The following MLLT3 variants were observed in gnomAD, a reference collection of about 807,000 sequenced individuals.
The protein encoded by MLLT3 is protein AF-9.
MLLT3 carries 4 observed loss-of-function variants against 53.2 expected under a neutral mutation model. That is an observed-to-expected ratio of 0.08 (90% CI 0.04 to 0.17). MLLT3 has a LOEUF of 0.17. MLLT3 is among the 10% of genes least tolerant of loss of function. MLLT3 has a pLI of 1.00. For synonymous variants in MLLT3, 283 were observed against 230.6 expected, an observed-to-expected ratio of 1.23 and a Z score of -2.06; for missense variants, 569 against 684.0, an observed-to-expected ratio of 0.83 and a Z score of 1.87.
At chr9:20,446,642 G>A (rs764159732) in intron 4 of MLLT3, among the ~76,000 whole-genome samples, 3 of 152,018 alleles carry the variant, frequency 2.0e-5, no homozygotes, top group South Asian at 4.2e-4. Flanking sequence ...GTAAAATGCC[G>A]AATTCATTAA....
chr9:20,356,027 C>T (rs780509581), intron 8 of MLLT3, among the ~76,000 whole-genome samples: 3 of 152,054 alleles, frequency 2.0e-5, no homozygotes, highest in African/African-American at 4.8e-5. Flanking sequence ...ATTTTTGGAC[C>T]GCAAAGGATG....
intron 2 of MLLT3, among the ~76,000 whole-genome samples, chr9:20,574,145 T>A (rs1819597316): frequency 1.3e-5 from 2 of 152,206 alleles, no homozygotes; most frequent in South Asian, 2.1e-4. Context: ...TAATGTCCAA[T>A]AATTTGCATT....
intron 2 of MLLT3, among the ~76,000 whole-genome samples, chr9:20,487,000 T>A (rs1824830480): frequency 1.3e-5 from 2 of 152,132 alleles, no homozygotes; most frequent in African/African-American, 4.8e-5. Context: ...AGGAATGCAT[T>A]TGTGATTATC....
chr9:20,581,182 A>G (rs986216142), intron 2 of MLLT3, among the ~76,000 whole-genome samples: 1 of 152,238 alleles, frequency 6.6e-6, no homozygotes, highest in African/African-American at 2.4e-5. Flanking sequence ...GCAAAGTTCA[A>G]CAATTCAGAC....
chr9:20,591,486 T>C (rs1456630958), intron 2 of MLLT3, among the ~76,000 whole-genome samples: 2 of 152,152 alleles, frequency 1.3e-5, no homozygotes, highest in African/African-American at 2.4e-5. Context: ...TAAACAGATA[T>C]GTTAAAAACC....
chr9:20,535,259 G>C (rs906161134), intron 2 of MLLT3, among the ~76,000 whole-genome samples: 9 of 152,306 alleles, frequency 5.9e-5, no homozygotes, highest in South Asian at 4.1e-4. Context: ...AGAATCTAAT[G>C]ATGAATTTAA....
intron 4 of MLLT3, among the ~76,000 whole-genome samples, chr9:20,427,640 C>A (rs1393203195): frequency 6.6e-6 from 1 of 151,654 alleles, no homozygotes; most frequent in Non-Finnish European, 1.5e-5. Context: ...TAATCCTAGA[C>A]ACATTGTACT....
intron 2 of MLLT3, among the ~76,000 whole-genome samples, chr9:20,611,000 T>C (rs1199111826): frequency 1.3e-5 from 2 of 152,020 alleles, no homozygotes; most frequent in African/African-American, 4.8e-5. Flanking sequence ...AACAGAGAAA[T>C]AAGTAAAATG....
At chr9:20,446,051 A>AT (rs1376463043) in intron 4 of MLLT3, among the ~76,000 whole-genome samples, 6 of 151,990 alleles carry the variant, frequency 3.9e-5, no homozygotes, top group African/African-American at 1.2e-4. Context: ...TAGTCTACTG[A>AT]TTTTTTTTAC....
chr9:20,487,420 T>A (rs1824840692), intron 2 of MLLT3, among the ~76,000 whole-genome samples: 1 of 152,130 alleles, frequency 6.6e-6, no homozygotes, highest in African/African-American at 2.4e-5. Context: ...AATTAACAAA[T>A]GCAGCTAGAA....
intron 4 of MLLT3, among the ~76,000 whole-genome samples, chr9:20,437,920 A>G (rs568628834): frequency 3.9e-5 from 6 of 152,320 alleles, no homozygotes; most frequent in East Asian, 3.9e-4. Flanking sequence ...TTTTGTAGCC[A>G]TGTTCTTTCA....
At chr9:20,438,701 C>A (rs934955114) in intron 4 of MLLT3, among the ~76,000 whole-genome samples, 34 of 152,118 alleles carry the variant, frequency 2.2e-4, no homozygotes. Context: ...TCCCAAAATG[C>A]TGGGATTATA....
At chr9:20,479,880 A>T (rs995997980) in intron 2 of MLLT3, among the ~76,000 whole-genome samples, 2 of 152,212 alleles carry the variant, frequency 1.3e-5, no homozygotes, top group African/African-American at 4.8e-5. Flanking sequence ...AACTCATAAC[A>T]ATGCCATGGT....
intron 2 of MLLT3, among the ~76,000 whole-genome samples, chr9:20,538,682 A>G (rs1245617502): frequency 6.6e-6 from 1 of 152,260 alleles, no homozygotes; most frequent in Non-Finnish European, 1.5e-5. Flanking sequence ...ATATAAAATT[A>G]AAGAAGTAAG....
chr9:20,600,973 C>T (rs776596559), intron 2 of MLLT3, among the ~76,000 whole-genome samples: 13 of 152,024 alleles, frequency 8.6e-5, no homozygotes, highest in Non-Finnish European at 1.8e-4. Flanking sequence ...CCAGGGGTCC[C>T]TAAGGCATTT....
In MLLT3 at chr9:20,620,560, G is replaced by T; in HGVS notation, c.193+94C>A. The T allele has an allele frequency of 8.7e-7, 1 of 1,155,136 alleles. No individual in the cohort carries two copies. Among genetic ancestry groups the T allele is most frequent in the Non-Finnish European group, 1.1e-6 (1 of 871,074 alleles). The allele number at this position is 1,155,136 out of a possible 1,614,324, so 71.6% of individuals were successfully genotyped here. ...CCGAGGCTACGCCGGCGAGCGCGGC[G>T]CGGGGGGCGGGGAGCGGGACAGCGG... On this transcript the variant is annotated intron_variant, in intron 2 of 10. Transcript: ENST00000380338. The surrounding 1 kb of genome is among the most constrained non-coding windows in gnomAD (Gnocchi z 6.1).
At chr9:20,597,238 C>A (rs1474037258) in intron 2 of MLLT3, among the ~76,000 whole-genome samples, 1 of 151,838 alleles carries the variant, frequency 6.6e-6, no homozygotes, top group Admixed American at 6.6e-5. Flanking sequence ...GGAGAGTACC[C>A]AGTACTCAGC....
chr9:20,393,092 T>C (rs980553659), intron 5 of MLLT3, among the ~76,000 whole-genome samples: 8 of 152,002 alleles, frequency 5.3e-5, no homozygotes, highest in Admixed American at 1.3e-4. Context: ...GAGGCTGAGA[T>C]TGCAGTGAGC....
intron 2 of MLLT3, among the ~76,000 whole-genome samples, chr9:20,476,856 T>C (rs547810537): frequency 2.6e-5 from 4 of 152,298 alleles, no homozygotes; most frequent in Admixed American, 6.5e-5. Flanking sequence ...CTAGCTAAAA[T>C]GTCCTGATTT....
Sources: gnomAD v4.1 joint callset for allele counts (sites outside exome capture counted in the v4.1 genomes callset) on GRCh38, gnomAD v4.1.1 for gene constraint, Gnocchi (gnomAD v3.1) non-coding constraint, MANE v1.5 for transcripts, NCBI Gene and HGNC (gene_info 2026-07-23, HGNC 2026-07-21) for gene names.